The following STK32B variants were observed in gnomAD, a reference collection of about 807,000 sequenced individuals.
The protein encoded by STK32B is serine/threonine-protein kinase 32B.
STK32B carries 43 observed loss-of-function variants against 52.6 expected under a neutral mutation model. The observed-to-expected ratio is 0.82, with a 90% CI of 0.64 to 1.05. STK32B has a LOEUF of 1.05. Ranked by LOEUF, STK32B falls within the 50% of genes least tolerant of loss-of-function variation. STK32B has a pLI of 0.00. For synonymous variants in STK32B, 238 were observed against 204.3 expected (o/e 1.17, Z -1.41); for missense variants, 621 against 534.6 (o/e 1.16, Z -1.59).
At chr4:5,056,747 G>A (rs1387570133) in intron 1 of STK32B, among the ~76,000 whole-genome samples, 2 of 152,194 alleles carry the variant, frequency 1.3e-5, no homozygotes, top group Non-Finnish European at 2.9e-5. Context: ...GGAGATTTGA[G>A]GCTCTAATTG....
At chr4:5,070,009 C>G (rs754562836) in intron 1 of STK32B, among the ~76,000 whole-genome samples, 1 of 152,160 alleles carries the variant, frequency 6.6e-6, no homozygotes, top group African/African-American at 2.4e-5. Flanking sequence ...CCTGGCTCAA[C>G]ACAGGAGGCA....
intron 7 of STK32B, among the ~76,000 whole-genome samples, chr4:5,455,789 C>G (rs1716452958): frequency 6.6e-6 from 1 of 152,120 alleles, no homozygotes. Context: ...GGTCAAATTC[C>G]CCCTTTGAGC....
At chr4:5,397,495 C>T (rs1462469478) in intron 4 of STK32B, among the ~76,000 whole-genome samples, 1 of 152,182 alleles carries the variant, frequency 6.6e-6, no homozygotes, top group African/African-American at 2.4e-5. Flanking sequence ...GAAGACCTTT[C>T]CAGAAACTCC....
At chr4:5,436,089 C>A (rs565608841) in intron 6 of STK32B, among the ~76,000 whole-genome samples, 2 of 152,296 alleles carry the variant, frequency 1.3e-5, no homozygotes, top group South Asian at 4.1e-4. Context: ...CAGCTTGGGG[C>A]CTCAGTGCTG....
chr4:5,492,412 T>C (rs1396683570), intron 11 of STK32B, among the ~76,000 whole-genome samples: 2 of 152,340 alleles, frequency 1.3e-5, no homozygotes, highest in South Asian at 4.1e-4. Context: ...TTGTGATTTT[T>C]GTACACTGAT....
intron 1 of STK32B, among the ~76,000 whole-genome samples, chr4:5,117,331 T>G (rs1007258412): frequency 6.6e-6 from 1 of 152,206 alleles, no homozygotes; most frequent in African/African-American, 2.4e-5. Context: ...CCTAATTTGT[T>G]GAAAGTTTTT....
chr4:5,102,078 C>T (rs910166788), intron 1 of STK32B, among the ~76,000 whole-genome samples: 1 of 152,162 alleles, frequency 6.6e-6, no homozygotes, highest in African/African-American at 2.4e-5. Flanking sequence ...GCTGTCAGCC[C>T]AGAGATAAGG....
At chr4:5,103,300 TTCTCCCTTCCCAGAGCTTACCTTGAGCA>T (rs1159758529) in intron 1 of STK32B, among the ~76,000 whole-genome samples, 2 of 152,128 alleles carry the variant, frequency 1.3e-5, no homozygotes, top group Non-Finnish European at 2.9e-5. Flanking sequence ...ATCCGAATCC[TTCTCCCTTCCCAGAGCTTACCTTGAGCA>T]TTTCCATGCA....
Position 5,499,068 on chromosome 4 carries a change from T to C in STK32B, c.1230T>C (p.Arg410=). The change falls in exon 12 of 12, where the codon CGT becomes CGC. Residue 410 remains arginine, a synonymous_variant. Transcript: ENST00000282908. ...NNNLLTHTCT[R]GCSS ...ACCTCCTCACCCACACCTGCACCCG[T>C]GGCTGCAGCAGCTGAGCCCACACTT... 1 of 1,611,358 alleles carries C rather than the reference T, an allele frequency of 6.2e-7. No homozygotes were observed.
rs56998479 is a variant in STK32B, at chr4:5,078,612, G to A, written c.52+26697G>A. Among the ~76,000 whole-genome samples the A allele has an allele frequency of 0.02, 3,007 of 152,228 alleles. 188 individuals are homozygous for A. In the East Asian group the frequency reaches 0.23, roughly 12 times the overall value. On this transcript the variant is annotated intron_variant, in intron 1 of 11. Transcript: ENST00000282908. ...TGTCTGGCATCTCCTGGTGGCATTT[G>A]TTCACTCTGATTTAAGTATTACTTG...
At chr4:5,216,913 T>A (rs748746181) in intron 3 of STK32B, among the ~76,000 whole-genome samples, 1 of 152,206 alleles carries the variant, frequency 6.6e-6, no homozygotes, top group African/African-American at 2.4e-5. Context: ...TGGAGGAGCT[T>A]AAGTGCTCTT....
chr4:5,370,784 G>A (rs1484771921), intron 4 of STK32B, among the ~76,000 whole-genome samples: 1 of 152,004 alleles, frequency 6.6e-6, no homozygotes, highest in East Asian at 1.9e-4. Context: ...CTTGAGCCCA[G>A]GAGTAATCCC....
At chr4:5,484,441 G>T (rs1718978551) in intron 11 of STK32B, among the ~76,000 whole-genome samples, 1 of 152,000 alleles carries the variant, frequency 6.6e-6, no homozygotes, top group Non-Finnish European at 1.5e-5. Context: ...CATTTGCTTG[G>T]TAGATCTTCC....
intron 3 of STK32B, among the ~76,000 whole-genome samples, chr4:5,317,436 AC>A (rs1731148086): frequency 9.9e-5 from 3 of 30,224 alleles, no homozygotes; most frequent in African/African-American, 4.9e-4. Context: ...CATATATATT[AC>A]ATATATACAT....
chr4:5,100,620 TTTTC>T (rs1713695088), intron 1 of STK32B, among the ~76,000 whole-genome samples: 1 of 91,738 alleles, frequency 1.1e-5, no homozygotes, highest in Non-Finnish European at 2.2e-5. Flanking sequence ...CTTCCCTGCT[TTTTC>T]TTTCTTTCTC....
intron 11 of STK32B, among the ~76,000 whole-genome samples, chr4:5,480,237 T>G (rs1205448654): frequency 6.6e-6 from 1 of 152,218 alleles, no homozygotes. Context: ...AGTCAAACTC[T>G]GTAAAATATT....
chr4:5,223,492 T>G (rs1422522190), intron 3 of STK32B, among the ~76,000 whole-genome samples: 1 of 152,114 alleles, frequency 6.6e-6, no homozygotes, highest in South Asian at 2.1e-4. Flanking sequence ...GCAGCCAGCA[T>G]GTATAGAAGG....
At chr4:5,285,717 T>C (rs1280609233) in intron 3 of STK32B, among the ~76,000 whole-genome samples, 5 of 152,114 alleles carry the variant, frequency 3.3e-5, no homozygotes, top group Admixed American at 6.6e-5. Context: ...ACCTCCCTTA[T>C]TAGTAGATAG....
chr4:5,272,257 G>A (rs1231015803), intron 3 of STK32B, among the ~76,000 whole-genome samples: 2 of 146,904 alleles, frequency 1.4e-5, no homozygotes, highest in Non-Finnish European at 3.0e-5. Flanking sequence ...CATCTATTGA[G>A]ATAATCATGT....
Sources: allele counts gnomAD v4.1 joint callset (sites outside exome capture counted in the v4.1 genomes callset), GRCh38; gene constraint gnomAD v4.1.1; transcripts MANE v1.5; gene names NCBI Gene and HGNC (gene_info 2026-07-23, HGNC 2026-07-21).